Variants in IRAK3 observed in about 807,000 individuals in gnomAD.
IRAK3 encodes the protein interleukin-1 receptor-associated kinase 3.
A neutral mutation model predicts 56.6 loss-of-function variants in IRAK3; 57 were observed. That is an observed-to-expected ratio of 1.01 (90% CI 0.81 to 1.26). The LOEUF (loss-of-function observed/expected upper bound fraction) is 1.26, where lower values mean the gene tolerates loss of function less well. IRAK3 is among the 50% of genes most tolerant of loss of function. The pLI is 0.00. For missense variants in IRAK3, 703 were observed against 719.0 expected (o/e 0.98, Z 0.25); for synonymous variants, 258 against 255.7 (o/e 1.01, Z -0.09).
intron 1 of IRAK3, among the ~76,000 whole-genome samples, chr12:66,202,597 G>A (rs1259426534): frequency 6.6e-6 from 1 of 151,598 alleles, no homozygotes; most frequent in Non-Finnish European, 1.5e-5. Context: ...GGGCAGTGTG[G>A]CAAAACCCCA....
chr12:66,240,752 T>G (rs1204334601), intron 8 of IRAK3, among the ~76,000 whole-genome samples: 1 of 151,532 alleles, frequency 6.6e-6, no homozygotes, highest in Non-Finnish European at 1.5e-5. Flanking sequence ...TCCTGGCCTT[T>G]CCTGAGAGTT....
intron 6 of IRAK3, among the ~76,000 whole-genome samples, chr12:66,220,681 CG>C (rs1175204804): frequency 6.6e-6 from 1 of 151,152 alleles, no homozygotes; most frequent in Non-Finnish European, 1.5e-5. Context: ...CCACTACGCC[CG>C]GCTAATTTTT....
intron 1 of IRAK3, among the ~76,000 whole-genome samples, chr12:66,202,925 T>C (rs1190299308): frequency 6.6e-6 from 1 of 151,858 alleles, no homozygotes. Flanking sequence ...GATTTTAACC[T>C]GTATGGTAAA....
Position 66,254,568 on chromosome 12 carries a change from A to G in IRAK3, c.*6397A>G, listed in dbSNP as rs1018382680. The G allele has an allele frequency of 2.0e-5, 3 of 151,668 alleles. No individual in the cohort carries two copies. The highest frequency in any genetic ancestry group is 7.3e-5 in the African/African-American group (3 of 41,308). 9.4% of individuals were successfully genotyped at this position (151,668 alleles called of 1,614,324 possible). A position where few individuals can be genotyped will look rare whatever the true frequency, so the allele number is the denominator to read the frequency against. On this transcript the variant is annotated 3_prime_UTR_variant, in exon 12 of 12. Transcript: ENST00000261233. ...GACTCATGTGTGTTTGAAACTTTTTATAATGAACATATATCATTTTTATTA... is the reference window on the plus strand; with the variant it reads ...GACTCATGTGTGTTTGAAACTTTTTGTAATGAACATATATCATTTTTATTA...
intron 2 of IRAK3, among the ~76,000 whole-genome samples, chr12:66,205,187 A>G (rs2052547642): frequency 6.6e-6 from 1 of 152,196 alleles, no homozygotes; most frequent in Non-Finnish European, 1.5e-5. Flanking sequence ...AGTGTTCTGG[A>G]ATAAATTTTA....
At chr12:66,213,863 T>C (rs938872567) in intron 5 of IRAK3, among the ~76,000 whole-genome samples, 1 of 150,030 alleles carries the variant, frequency 6.7e-6, no homozygotes, top group Non-Finnish European at 1.5e-5. Context: ...CTGGCCAGAG[T>C]AACCACTCAG....
chr12:66,226,226 G>C (rs547974944), intron 6 of IRAK3, among the ~76,000 whole-genome samples: 6 of 151,660 alleles, frequency 4.0e-5, no homozygotes, highest in African/African-American at 1.2e-4. Context: ...GCAGTAACTA[G>C]TATTTGTTAG....
At chr12:66,242,647 A>C (rs1450906699) in intron 8 of IRAK3, among the ~76,000 whole-genome samples, 1 of 152,224 alleles carries the variant, frequency 6.6e-6, no homozygotes, top group African/African-American at 2.4e-5. Context: ...CCTTCCTTCC[A>C]TAAATGCTAA....
At chr12:66,202,413 G>A (rs2052516933) in intron 1 of IRAK3, among the ~76,000 whole-genome samples, 1 of 152,112 alleles carries the variant, frequency 6.6e-6, no homozygotes, top group South Asian at 2.1e-4. Flanking sequence ...AATACAAAAT[G>A]AGCCTGGAGC....
chr12:66,220,432 G>A (rs546214677), intron 6 of IRAK3, among the ~76,000 whole-genome samples: 13 of 150,122 alleles, frequency 8.7e-5, no homozygotes, highest in African/African-American at 2.2e-4. Flanking sequence ...TTTTTATGCC[G>A]GTGCCATACT....
At chr12:66,232,451 T>G (rs959285771) in intron 8 of IRAK3, among the ~76,000 whole-genome samples, 1 of 152,200 alleles carries the variant, frequency 6.6e-6, no homozygotes, top group Non-Finnish European at 1.5e-5. Flanking sequence ...AACAGTAGAT[T>G]TCCCCCTCGT....
At chr12:66,190,596 G>T (rs943539658) in intron 1 of IRAK3, among the ~76,000 whole-genome samples, 1 of 152,202 alleles carries the variant, frequency 6.6e-6, no homozygotes, top group African/African-American at 2.4e-5. Flanking sequence ...GGCCAGGTGG[G>T]TGTGGTAAAT....
intron 6 of IRAK3, among the ~76,000 whole-genome samples, chr12:66,221,323 G>C (rs1168643): frequency 0.63 from 95,546 of 152,032 alleles, 30,344 homozygotes; most frequent in Admixed American, 0.68. Flanking sequence ...CCTTTAACTT[G>C]CACCTTTCCA....
At chr12:66,197,189 C>T in intron 1 of IRAK3, 2 of 1,267,826 alleles carry the variant, frequency 1.6e-6, no homozygotes, top group Non-Finnish European at 2.0e-6. Context: ...TTAAACAATG[C>T]TTAACTAACA....
chr12:66,220,385 T>C (rs1205861748), intron 6 of IRAK3, among the ~76,000 whole-genome samples: 2 of 152,048 alleles, frequency 1.3e-5, no homozygotes, highest in East Asian at 3.8e-4. Context: ...TCTGTTATTT[T>C]TTTTTTTAAA....
chr12:66,234,047 A>C (rs1252303963), intron 8 of IRAK3: 7 of 1,610,886 alleles, frequency 4.3e-6, no homozygotes, highest in Non-Finnish European at 5.9e-6. Context: ...TCTTCATGTA[A>C]GAACACCTTT....
In IRAK3 at chr12:66,247,870, G is replaced by A. The variant is rs568160958; in HGVS notation, c.1490G>A (p.Arg497Lys). ...NNLLPSDEGL[R>K]IDRMTQKTPF... Reference sequence around the variant, plus strand: ...TTACTACCTTCTGATGAAGGCCTGAGGATAGACAGAATGACTCAGAAAACT... The same window carrying A: ...TTACTACCTTCTGATGAAGGCCTGAAGATAGACAGAATGACTCAGAAAACT... The change falls in exon 12 of 12, where the codon AGG (arginine) becomes AAG (lysine). Residue 497 changes from arginine (R) to lysine (K), a missense_variant. Arg to Lys is a conservative substitution (Grantham distance 26, BLOSUM62 2). Coordinates refer to ENST00000261233, the MANE Select transcript of IRAK3 (RefSeq NM_007199.3). 21 of 1,614,084 alleles carry A rather than the reference G, an allele frequency of 1.3e-5. No homozygotes were observed. The highest frequency in any genetic ancestry group is 1.6e-4 in the Middle Eastern group (1 of 6,084).
Position 66,189,353 on chromosome 12 carries a change from C to A in IRAK3, c.54C>A (p.Phe18Leu), listed in dbSNP as rs781457099. The part of the protein sequence containing the change: ...RGALSAHTLL[F>L]DLPPALLGEL... ...CGCTGTCGGCGCACACGCTGCTGTTCGACCTGCCGCCCGCGCTGCTCGGAG... is the reference window on the plus strand; with the variant it reads ...CGCTGTCGGCGCACACGCTGCTGTTAGACCTGCCGCCCGCGCTGCTCGGAG... The change falls in exon 1 of 12, where the codon TTC (phenylalanine) becomes TTA (leucine). Residue 18 changes from phenylalanine to leucine, a missense_variant. Physicochemically the swap from Phe to Leu is conservative, Grantham distance 22. Transcript: ENST00000261233. 1 of 1,531,622 alleles carries A rather than the reference C, an allele frequency of 6.5e-7. No homozygotes were observed. The highest frequency in any genetic ancestry group is 8.7e-7 in the Non-Finnish European group (1 of 1,145,308). The allele number at this position is 1,531,622 out of a possible 1,614,324, so 94.9% of individuals were successfully genotyped here. A position where few individuals can be genotyped will look rare whatever the true frequency, so the allele number is the denominator to read the frequency against.
chr12:66,251,133 C>G lies in IRAK3; in HGVS notation c.*2962C>G, dbSNP rs1053663434. 1 of 152,086 alleles carries G rather than the reference C, an allele frequency of 6.6e-6. No individual in the cohort carries two copies. Among genetic ancestry groups the G allele is most frequent in the African/African-American group, 2.4e-5 (1 of 41,402 alleles). The allele number at this position is 152,086 out of a possible 1,614,324, so 9.4% of individuals were successfully genotyped here. A position where few individuals can be genotyped will look rare whatever the true frequency, so the allele number is the denominator to read the frequency against. The stretch of plus-strand genomic sequence containing the variant: ...TGACCAATCATCTTATTGACTAGAC[C>G]ATCTTTCTAGAGTATAACTATTTTG... On this transcript the variant is annotated 3_prime_UTR_variant, in exon 12 of 12. Transcript: ENST00000261233.
Sources: gnomAD v4.1 joint callset for allele counts (sites outside exome capture counted in the v4.1 genomes callset) on GRCh38, gnomAD v4.1.1 for gene constraint, MANE v1.5 for transcripts, NCBI Gene and HGNC (gene_info 2026-07-23, HGNC 2026-07-21) for gene names.